MID1: variants seen among roughly 807,000 people sequenced by gnomAD.
MID1 encodes the protein midline 1.
MID1 carries 7 observed loss-of-function variants against 40.4 expected under a neutral mutation model. The ratio of observed to expected loss-of-function variants is 0.17; its 90% CI spans 0.10 to 0.33. The LOEUF is 0.33. Among genes scored for constraint, MID1 ranks in the 10% least tolerant of loss-of-function variants. The pLI, the probability that MID1 is intolerant of heterozygous loss-of-function variation, is 1.00. For missense variants in MID1, 367 were observed against 558.5 expected (o/e 0.66, Z 3.46); for synonymous variants, 229 against 221.2 (o/e 1.04, Z -0.31).
chrX:10,604,277 A>G (rs1319222951), intron 1 of MID1, among the ~76,000 whole-genome samples: 1 of 111,856 alleles, frequency 8.9e-6, no homozygotes. Flanking sequence ...TAGATTCTTC[A>G]AAAGTATTAT....
At chrX:10,515,182 G>A (rs1175956137) in intron 3 of MID1, among the ~76,000 whole-genome samples, 2 of 111,993 alleles carry the variant, frequency 1.8e-5, no homozygotes, top group African/African-American at 6.5e-5. Flanking sequence ...TTAAACAAAT[G>A]GTTCATCTTT....
chrX:10,728,240 A>C (rs1310463366), intron 1 of MID1, among the ~76,000 whole-genome samples: 1 of 111,221 alleles, frequency 9.0e-6, no homozygotes, highest in African/African-American at 3.3e-5. Context: ...ACAAGAGTTT[A>C]GGCAGAAAGA....
At chrX:10,649,751 A>G (rs1414775083) in intron 1 of MID1, among the ~76,000 whole-genome samples, 1 of 111,973 alleles carries the variant, frequency 8.9e-6, no homozygotes, top group Non-Finnish European at 1.9e-5. Context: ...ATGATCTTCA[A>G]ACTTTAGTTT....
At chrX:10,615,529 T>C (rs1203141757) in intron 1 of MID1, among the ~76,000 whole-genome samples, 5 of 112,036 alleles carry the variant, frequency 4.5e-5, no homozygotes, top group African/African-American at 6.5e-5. Context: ...CTCTCTTTCA[T>C]AGCGCAAAGC....
chrX:10,463,253 C>T (rs752770448), intron 7 of MID1, among the ~76,000 whole-genome samples: 4 of 112,124 alleles, frequency 3.6e-5, no homozygotes, highest in South Asian at 3.7e-4. Context: ...AGGGCCTTTT[C>T]GTAAGATTGA....
At chrX:10,495,772 T>A in intron 3 of MID1, 81 bp from the exon 4 acceptor site, 3 of 651,941 alleles carry the variant, frequency 4.6e-6, no homozygotes, top group Non-Finnish European at 7.6e-6. Context: ...TACTAGGATG[T>A]TTCTAGTAAT....
chrX:10,491,490 C>T (rs1930949864), intron 4 of MID1, among the ~76,000 whole-genome samples: 1 of 110,874 alleles, frequency 9.0e-6, no homozygotes, highest in Non-Finnish European at 1.9e-5. Flanking sequence ...CTCAAGCAAT[C>T]CTCCTGCCTC....
intron 1 of MID1, among the ~76,000 whole-genome samples, chrX:10,595,457 G>A (rs1394838912): frequency 9.0e-6 from 1 of 111,434 alleles, no homozygotes; most frequent in Non-Finnish European, 1.9e-5. Context: ...GAATAAGTCA[G>A]GCACAGAAGA....
chrX:10,771,955 A>G (rs751716780), intron 1 of MID1, among the ~76,000 whole-genome samples: 8 of 111,242 alleles, frequency 7.2e-5, no homozygotes, highest in Non-Finnish European at 1.1e-4. Context: ...AAAGAACTAA[A>G]AGTAGAACTA....
chrX:10,555,504 C>A (rs1270434848), intron 2 of MID1, among the ~76,000 whole-genome samples: 1 of 111,213 alleles, frequency 9.0e-6, no homozygotes, highest in East Asian at 2.8e-4. Flanking sequence ...TTATAATGAG[C>A]TCTAGACCAT....
intron 5 of MID1, among the ~76,000 whole-genome samples, chrX:10,481,428 CTTTGT>C (rs894716750): frequency 9.0e-6 from 1 of 111,607 alleles, no homozygotes; most frequent in African/African-American, 3.3e-5. Flanking sequence ...TAGTGCTTCT[CTTTGT>C]TTTTTCATTT....
intron 2 of MID1, among the ~76,000 whole-genome samples, chrX:10,563,971 T>C (rs942855457): frequency 8.9e-6 from 1 of 112,711 alleles, no homozygotes; most frequent in South Asian, 3.6e-4. Context: ...TTCTTCATAA[T>C]AATTGCAGAA....
At chrX:10,699,689 ACAG>A (rs1569149785) in intron 1 of MID1, among the ~76,000 whole-genome samples, 1 of 112,036 alleles carries the variant, frequency 8.9e-6, no homozygotes, top group Non-Finnish European at 1.9e-5. Flanking sequence ...TCTGGACATC[ACAG>A]AGTCTACAAA....
At chrX:10,506,149 A>G (rs1931819556) in intron 3 of MID1, 2 of 878,251 alleles carry the variant, frequency 2.3e-6, no homozygotes, top group Non-Finnish European at 1.4e-6. Flanking sequence ...TGATTTTTAA[A>G]TATCTTTGAT....
At chrX:10,471,975 T>C (rs1257904638) in intron 6 of MID1, among the ~76,000 whole-genome samples, 2 of 112,341 alleles carry the variant, frequency 1.8e-5, no homozygotes, top group African/African-American at 3.2e-5. Flanking sequence ...GTTTTTACAA[T>C]GAGACAGGCT....
rs1239910869 is a variant in MID1 at position 10,667,243 on chromosome X, T to C, written c.-186-46824A>G. Among the ~76,000 whole-genome samples the C allele has an allele frequency of 2.7e-5, 3 of 111,642 alleles. No homozygotes were observed. The Admixed American group carries it at 2.9e-4, about 11-fold the overall frequency. On this transcript the variant is annotated intron_variant, in intron 1 of 10. Transcript: ENST00000380785. ...CTGTGAAAAAGAGCACTGGAAAATA[T>C]GTTTGGAAGAGCTGGAATTTGTTGA...
intron 2 of MID1, among the ~76,000 whole-genome samples, chrX:10,533,327 GGAAAGAAAGAAAGAAA>G (rs35811442): frequency 1.2e-3 from 59 of 47,807 alleles, no homozygotes; most frequent in Middle Eastern, 0.013. Flanking sequence ...AAGAAAGAAA[GGAAAGAAAGAAAGAAA>G]GAAAGAAAGA....
intron 5 of MID1, chrX:10,475,176 A>G (rs1929940458): frequency 6.0e-6 from 2 of 331,202 alleles, no homozygotes; most frequent in Non-Finnish European, 5.9e-6. Context: ...TTCAAAGGAG[A>G]GTCTCCAAAA....
At chrX:10,483,134 T>C (rs1338532452) in intron 4 of MID1, among the ~76,000 whole-genome samples, 1 of 112,386 alleles carries the variant, frequency 8.9e-6, no homozygotes, top group Non-Finnish European at 1.9e-5. Flanking sequence ...AGTGTTACTA[T>C]TTCCCACACT....
Sources: allele counts gnomAD v4.1 joint callset (sites outside exome capture counted in the v4.1 genomes callset), GRCh38; gene constraint gnomAD v4.1.1; transcripts MANE v1.5; gene names NCBI Gene and HGNC (gene_info 2026-07-23, HGNC 2026-07-21).